The following WDPCP variants were observed in gnomAD, a reference collection of about 807,000 sequenced individuals.
WDPCP encodes the protein WD repeat-containing and planar cell polarity effector protein fritz homolog.
Under a neutral mutation model 93.1 loss-of-function variants are expected in WDPCP, and 71 were observed. The observed-to-expected ratio is 0.76, with a 90% CI of 0.63 to 0.93. The LOEUF (loss-of-function observed/expected upper bound fraction) is 0.93, where lower values mean the gene tolerates loss of function less well. Among genes scored for constraint, WDPCP ranks in the 40% least tolerant of loss-of-function variants. The pLI, the probability that WDPCP is intolerant of heterozygous loss-of-function variation, is 0.00. For synonymous variants in WDPCP, 315 were observed against 315.0 expected, an observed-to-expected ratio of 1.00 and a Z score of 0.00; for missense variants, 844 against 887.4, an observed-to-expected ratio of 0.95 and a Z score of 0.62.
At chr2:63,724,164 A>G (rs1289293788) in intron 2 of WDPCP, among the ~76,000 whole-genome samples, 1 of 152,220 alleles carries the variant, frequency 6.6e-6, no homozygotes, top group Non-Finnish European at 1.5e-5. Flanking sequence ...AGTTTGATGT[A>G]GATACATAGT....
In WDPCP at chr2:63,767,915, G is replaced by C. The variant is rs572660171; in HGVS notation, n.308+45707C>G. On this transcript the variant is annotated intron_variant and non_coding_transcript_variant, in intron 2 of 4. Coordinates refer to the WDPCP transcript ENST00000467687. ...TCTAAGGAAGCTTTGTTTAGCCCAA[G>C]GTTACCAAGATTTTCTCTTAATTTT... Among the ~76,000 whole-genome samples, 6 of 152,028 alleles carry C rather than the reference G, an allele frequency of 3.9e-5. No individual in the cohort carries two copies. The South Asian group carries it at 1.2e-3, about 32-fold the overall frequency.
chr2:63,745,374 C>G (rs997112219), intron 2 of WDPCP, among the ~76,000 whole-genome samples: 1 of 152,138 alleles, frequency 6.6e-6, no homozygotes, highest in African/African-American at 2.4e-5. Context: ...ACTGAATGAT[C>G]GTATCAACTG....
chr2:63,698,646 C>G (rs1423496527), intron 2 of WDPCP, among the ~76,000 whole-genome samples: 1 of 152,142 alleles, frequency 6.6e-6, no homozygotes, highest in African/African-American at 2.4e-5. Flanking sequence ...GGAAATTTCA[C>G]AAGTCATTTA....
chr2:63,192,062 C>T (rs982156337), intron 14 of WDPCP, among the ~76,000 whole-genome samples: 1 of 152,148 alleles, frequency 6.6e-6, no homozygotes, highest in Non-Finnish European at 1.5e-5. Flanking sequence ...TCTCCTTACC[C>T]CCCTTTAAAT....
intron 14 of WDPCP, among the ~76,000 whole-genome samples, chr2:63,177,648 A>G (rs1369200812): frequency 1.3e-5 from 2 of 152,184 alleles, no homozygotes; most frequent in Non-Finnish European, 2.9e-5. Flanking sequence ...CTTGCTGCAT[A>G]GGAAATTAAG....
chr2:63,729,142 T>C (rs1458265578), intron 2 of WDPCP, among the ~76,000 whole-genome samples: 1 of 152,124 alleles, frequency 6.6e-6, no homozygotes, highest in East Asian at 1.9e-4. Context: ...GAAAAAAATA[T>C]TTTCTACATC....
chr2:63,247,675 A>G (rs1287887920), intron 14 of WDPCP, among the ~76,000 whole-genome samples: 2 of 90,862 alleles, frequency 2.2e-5, no homozygotes, highest in East Asian at 2.5e-4. Context: ...TCCAAAATTG[A>G]AAAAAAAAAA....
At chr2:63,607,019 C>G (rs1374824946) in intron 3 of WDPCP, 3 of 1,585,400 alleles carry the variant, frequency 1.9e-6, no homozygotes, top group Non-Finnish European at 2.6e-6. Context: ...TGCTTCAAAG[C>G]TGAAGAATCT....
intron 2 of WDPCP, among the ~76,000 whole-genome samples, chr2:63,672,740 T>C (rs1033629075): frequency 4.1e-5 from 6 of 148,146 alleles, no homozygotes; most frequent in Admixed American, 3.4e-4. Flanking sequence ...TATTTTATTT[T>C]ATTTTATTTT....
rs137915297 is a variant in WDPCP, at chr2:63,527,426, G to A, written c.76-34486C>T. The stretch of plus-strand genomic sequence containing the variant: ...GATGTTCCCCTTCCAGTATCCAAGT[G>A]TTCTCACTGTTCAATTCCCAGCTAT... On this transcript the variant is annotated intron_variant, in intron 1 of 17. Transcript: ENST00000272321. 4.3e-3 allele frequency among the ~76,000 whole-genome samples: 590 copies of A among 135,690 alleles called. 3 individuals are homozygous for A. Among genetic ancestry groups the A allele is most frequent in the African/African-American group, 0.016 (566 of 35,906 alleles). The allele number at this position is 135,690 out of a possible 152,430, so 89.0% of individuals were successfully genotyped here.
rs117551150 is a variant in WDPCP, at chr2:63,323,686, G to A, written c.1749-10375C>T. Among the ~76,000 whole-genome samples, 44 of 152,168 alleles carry A rather than the reference G, an allele frequency of 2.9e-4. 1 individual carries two copies. The East Asian group carries it at 4.6e-3, about 16-fold the overall frequency. On this transcript the variant is annotated intron_variant, in intron 12 of 17. Transcript: ENST00000272321. The stretch of plus-strand genomic sequence containing the variant: ...ATGCTTAGGACTCTAATGGGTTTTC[G>A]AGAATGTGTCGGTAAGGGCCACTAA...
At chr2:63,629,930 A>G (rs1354141732) in intron 3 of WDPCP, among the ~76,000 whole-genome samples, 1 of 152,254 alleles carries the variant, frequency 6.6e-6, no homozygotes, top group Admixed American at 6.5e-5. Context: ...AAAAAATTTC[A>G]AACTGAATGA....
intron 3 of WDPCP, chr2:63,643,909 AATG>A (rs1207684553): frequency 1.9e-6 from 1 of 516,350 alleles, no homozygotes; most frequent in African/African-American, 1.9e-5. Context: ...TCCTTAGGAA[AATG>A]ATGACAGGGA....
At chr2:63,337,167 C>G (rs929744621) in intron 12 of WDPCP, among the ~76,000 whole-genome samples, 2 of 152,148 alleles carry the variant, frequency 1.3e-5, no homozygotes, top group Non-Finnish European at 2.9e-5. Flanking sequence ...GCTGGGATTA[C>G]AGGCGTGAGC....
intron 14 of WDPCP, among the ~76,000 whole-genome samples, chr2:63,222,930 T>C (rs933338569): frequency 6.6e-6 from 1 of 152,142 alleles, no homozygotes; most frequent in African/African-American, 2.4e-5. Context: ...CTTTGAAATA[T>C]GTTTTAAAAG....
intron 2 of WDPCP, among the ~76,000 whole-genome samples, chr2:63,736,524 C>T (rs1467208767): frequency 6.6e-6 from 1 of 152,042 alleles, no homozygotes; most frequent in African/African-American, 2.4e-5. Flanking sequence ...ATTGAGAACA[C>T]CAAATATGTT....
intron 2 of WDPCP, among the ~76,000 whole-genome samples, chr2:63,732,430 G>T (rs1315045820): frequency 1.3e-5 from 2 of 152,132 alleles, no homozygotes; most frequent in Non-Finnish European, 2.9e-5. Flanking sequence ...TAGAAGAGGG[G>T]TATCTTTCCA....
chr2:63,617,577 G>A (rs1709686347), intron 3 of WDPCP, among the ~76,000 whole-genome samples: 1 of 152,248 alleles, frequency 6.6e-6, no homozygotes, highest in African/African-American at 2.4e-5. Context: ...CAGGGGTGGT[G>A]GAGGCAAATT....
intron 3 of WDPCP, among the ~76,000 whole-genome samples, chr2:63,647,565 A>G (rs927684175): frequency 1.3e-5 from 2 of 152,222 alleles, no homozygotes; most frequent in African/African-American, 4.8e-5. Context: ...TAACATTCAT[A>G]AAGTGATGAA....
Sources: allele counts gnomAD v4.1 joint callset (sites outside exome capture counted in the v4.1 genomes callset), GRCh38; gene constraint gnomAD v4.1.1; transcripts MANE v1.5; gene names NCBI Gene and HGNC (gene_info 2026-07-23, HGNC 2026-07-21).